Variants in CSMD1 observed in about 807,000 individuals in gnomAD.
The protein encoded by CSMD1 is CUB and sushi domain-containing protein 1.
CSMD1 carries 213 observed loss-of-function variants against 417.5 expected under a neutral mutation model. The observed-to-expected ratio is 0.51, with a 90% CI of 0.46 to 0.57. The LOEUF (loss-of-function observed/expected upper bound fraction) is 0.57, where lower values mean the gene tolerates loss of function less well. Ranked by LOEUF, CSMD1 falls within the 20% of genes least tolerant of loss-of-function variation. The pLI is 0.00. For synonymous variants in CSMD1, 2,862 were observed against 1,736.8 expected (o/e 1.65, Z -16.11); for missense variants, 6,923 against 4,529.7 (o/e 1.53, Z -15.17).
chr8:4,506,452 C>G (rs1043335812), intron 2 of CSMD1, among the ~76,000 whole-genome samples: 1 of 152,110 alleles, frequency 6.6e-6, no homozygotes, highest in African/African-American at 2.4e-5. Flanking sequence ...TTCCCACTCC[C>G]CTCCCCTATG....
At chr8:3,451,184 T>C (rs1585183693) in intron 12 of CSMD1, among the ~76,000 whole-genome samples, 1 of 152,242 alleles carries the variant, frequency 6.6e-6, no homozygotes, top group Admixed American at 6.5e-5. Context: ...CTTGTAAATT[T>C]GTTTGAGTTC....
chr8:3,628,608 G>C (rs562627086), intron 7 of CSMD1, among the ~76,000 whole-genome samples: 2 of 152,176 alleles, frequency 1.3e-5, no homozygotes, highest in East Asian at 3.9e-4. Context: ...GGGGGAGGAA[G>C]AGGGAGTGTC....
intron 3 of CSMD1, among the ~76,000 whole-genome samples, chr8:4,112,563 C>G (rs1801913591): frequency 6.6e-6 from 1 of 152,124 alleles, no homozygotes; most frequent in Non-Finnish European, 1.5e-5. Context: ...TTCTCTGTTC[C>G]CTCTTCTGGG....
chr8:4,162,123 T>C (rs1797208791), intron 3 of CSMD1, among the ~76,000 whole-genome samples: 1 of 152,226 alleles, frequency 6.6e-6, no homozygotes, highest in South Asian at 2.1e-4. Flanking sequence ...GTTACATGAT[T>C]CTAAATAAAC....
At chr8:3,237,695 C>T (rs182131606) in intron 26 of CSMD1, among the ~76,000 whole-genome samples, 3 of 45,956 alleles carry the variant, frequency 6.5e-5, no homozygotes, top group East Asian at 5.2e-4. Context: ...ACTTATACTA[C>T]AAATATAATT....
intron 26 of CSMD1, among the ~76,000 whole-genome samples, chr8:3,243,533 C>T (rs1377260172): frequency 6.6e-6 from 1 of 151,808 alleles, no homozygotes; most frequent in African/African-American, 2.4e-5. Context: ...AGTTTTTGAG[C>T]CAGGATGAGC....
chr8:4,340,835 A>C (rs1196850745), intron 3 of CSMD1, among the ~76,000 whole-genome samples: 1 of 152,028 alleles, frequency 6.6e-6, no homozygotes, highest in Non-Finnish European at 1.5e-5. Context: ...AATCTCAATT[A>C]TTTGGTTGCT....
At chr8:3,540,929 T>C (rs1192804969) in intron 10 of CSMD1, among the ~76,000 whole-genome samples, 2 of 152,206 alleles carry the variant, frequency 1.3e-5, no homozygotes, top group Non-Finnish European at 2.9e-5. Context: ...ACACTGTTGG[T>C]GGGAATGTAA....
At chr8:3,265,826 G>C (rs560870332) in intron 26 of CSMD1, among the ~76,000 whole-genome samples, 1 of 152,192 alleles carries the variant, frequency 6.6e-6, no homozygotes, top group Middle Eastern at 3.4e-3. Context: ...GTTTTGCTTG[G>C]TGGAGACCTG....
chr8:3,866,669 A>T (rs921366674), intron 5 of CSMD1, among the ~76,000 whole-genome samples: 1 of 129,178 alleles, frequency 7.7e-6, no homozygotes, highest in Non-Finnish European at 1.8e-5. Flanking sequence ...AGCTTATAAG[A>T]TTTCTATAGA....
chr8:3,949,810 G>A lies in CSMD1; in HGVS notation c.818+48093C>T, dbSNP rs117476846. The A allele has an allele frequency of 4.7e-4, 199 of 423,740 alleles. 1 individual carries two copies. The East Asian group carries it at 0.01, about 22-fold the overall frequency. The allele number at this position is 423,740 out of a possible 1,614,324, so 26.2% of individuals were successfully genotyped here. A position where few individuals can be genotyped will look rare whatever the true frequency, so the allele number is the denominator to read the frequency against. ...TTGCCTCTAACACATGGAAAGCTGG[G>A]GCAATGACCTGCTTCCATCTTTCAT... On this transcript the variant is annotated intron_variant, in intron 5 of 69. Coordinates refer to ENST00000635120, the MANE Select transcript of CSMD1 (RefSeq NM_033225.6).
chr8:3,319,517 T>C (rs1229923933), intron 23 of CSMD1, among the ~76,000 whole-genome samples: 1 of 152,174 alleles, frequency 6.6e-6, no homozygotes, highest in Non-Finnish European at 1.5e-5. Context: ...ATATCCCAAA[T>C]ACCATAATTA....
chr8:3,732,198 CG>C (rs1214507997), intron 6 of CSMD1, among the ~76,000 whole-genome samples: 1 of 152,124 alleles, frequency 6.6e-6, no homozygotes, highest in African/African-American at 2.4e-5. Context: ...AGAGTCTTTC[CG>C]AGAGGACTCT....
intron 2 of CSMD1, among the ~76,000 whole-genome samples, chr8:4,487,719 G>C (rs982378475): frequency 2.6e-5 from 4 of 152,160 alleles, no homozygotes; most frequent in Non-Finnish European, 5.9e-5. Context: ...TGCCTGTTTA[G>C]AGGATATAAA....
intron 2 of CSMD1, among the ~76,000 whole-genome samples, chr8:4,562,433 G>A (rs1798386744): frequency 6.6e-6 from 1 of 152,148 alleles, no homozygotes; most frequent in Non-Finnish European, 1.5e-5. Context: ...ATCAGAAGAA[G>A]TTGAAGTTAT....
chr8:4,684,902 A>C (rs563542391), intron 1 of CSMD1, among the ~76,000 whole-genome samples: 1 of 152,294 alleles, frequency 6.6e-6, no homozygotes, highest in South Asian at 2.1e-4. Flanking sequence ...ACTCAACAAA[A>C]CTGTAAAATT....
intron 7 of CSMD1, among the ~76,000 whole-genome samples, chr8:3,694,589 C>T (rs1800445314): frequency 6.6e-6 from 1 of 151,842 alleles, no homozygotes; most frequent in East Asian, 2.0e-4. Flanking sequence ...CCCCACCCTG[C>T]AAAACTCAGG....
At chr8:4,320,427 T>C (rs1037033976) in intron 3 of CSMD1, among the ~76,000 whole-genome samples, 3 of 152,098 alleles carry the variant, frequency 2.0e-5, no homozygotes, top group African/African-American at 7.2e-5. Flanking sequence ...GTGACATAGG[T>C]AGACACGTGC....
At chr8:4,905,742 A>T (rs11777961) in intron 1 of CSMD1, among the ~76,000 whole-genome samples, 2 of 148,774 alleles carry the variant, frequency 1.3e-5, no homozygotes, top group Middle Eastern at 3.6e-3. Context: ...ATGGCGTGAA[A>T]CCGGGAGGCG....
Sources: allele counts gnomAD v4.1 joint callset (sites outside exome capture counted in the v4.1 genomes callset), GRCh38; gene constraint gnomAD v4.1.1; transcripts MANE v1.5; gene names NCBI Gene and HGNC (gene_info 2026-07-23, HGNC 2026-07-21).